The following DMD variants were observed in gnomAD, a reference collection of about 807,000 sequenced individuals.
The protein encoded by DMD is dystrophin, also known as mutant dystrophin.
Under a neutral mutation model 330.1 loss-of-function variants are expected in DMD, and 63 were observed. The observed-to-expected ratio is 0.19, with a 90% CI of 0.16 to 0.24. DMD has a LOEUF of 0.24. DMD is among the 10% of genes least tolerant of loss of function. The pLI is 1.00. For missense variants in DMD, 3,344 were observed against 2,684.1 expected, an observed-to-expected ratio of 1.25 and a Z score of -5.43; for synonymous variants, 1,223 against 959.8, an observed-to-expected ratio of 1.27 and a Z score of -5.07.
chrX:32,758,664 A>T (rs1241925761), intron 7 of DMD, among the ~76,000 whole-genome samples: 1 of 111,070 alleles, frequency 9.0e-6, no homozygotes, highest in Non-Finnish European at 1.9e-5. Context: ...CCCCCCATTT[A>T]CTCTTACTGC....
At chrX:32,763,647 C>T (rs1472956977) in intron 7 of DMD, among the ~76,000 whole-genome samples, 2 of 111,921 alleles carry the variant, frequency 1.8e-5, no homozygotes, top group East Asian at 5.6e-4. Context: ...GACTCTAGTT[C>T]AAAGCACAGT....
At chrX:31,605,865 G>A (rs529586070) in intron 55 of DMD, among the ~76,000 whole-genome samples, 5 of 111,674 alleles carry the variant, frequency 4.5e-5, no homozygotes, top group African/African-American at 9.7e-5. Context: ...TTTTGGTGTC[G>A]TGGTTTTATG....
intron 2 of DMD, among the ~76,000 whole-genome samples, chrX:32,880,727 C>A (rs893153197): frequency 8.9e-6 from 1 of 112,078 alleles, no homozygotes; most frequent in Admixed American, 9.4e-5. Context: ...GGAAGACCAC[C>A]TGAGGTCGGG....
chrX:32,805,225 A>C (rs914735781), intron 7 of DMD, among the ~76,000 whole-genome samples: 1 of 111,988 alleles, frequency 8.9e-6, no homozygotes, highest in Non-Finnish European at 1.9e-5. Flanking sequence ...AAAAAAGGTT[A>C]GAGGAGTTGC....
rs929132246 is a variant in DMD at position 31,261,125 on chromosome X, T to C, written c.9225-109A>G. 33 of 687,407 alleles carry C rather than the reference T, an allele frequency of 4.8e-5. 1 individual carries two copies. In the Admixed American group the frequency reaches 8.6e-4, roughly 18 times the overall value. The allele number at this position is 687,407 out of a possible 1,213,427, so 56.7% of individuals were successfully genotyped here. A position where few individuals can be genotyped will look rare whatever the true frequency, so the allele number is the denominator to read the frequency against. ...CAACATGATTTTTGCTTTTGAACCA[T>C]TCGGAATCTTTATTTCAAAGCGCTT... On this transcript the variant is annotated intron_variant, in intron 62 of 78. Transcript: ENST00000357033.
chrX:33,221,990 A>C (rs777518547), intron 1 of DMD, among the ~76,000 whole-genome samples: 1 of 111,545 alleles, frequency 9.0e-6, no homozygotes, highest in South Asian at 3.7e-4. Context: ...TCTTGTGAAG[A>C]ATTAACACCA....
intron 1 of DMD, among the ~76,000 whole-genome samples, chrX:33,301,973 T>C (rs12689248): frequency 0.068 from 7,588 of 111,818 alleles, 353 homozygotes; most frequent in East Asian, 0.33. Context: ...TTTTAATATT[T>C]TGAAAAATTT....
intron 52 of DMD, among the ~76,000 whole-genome samples, chrX:31,681,813 T>C (rs1225796919): frequency 3.5e-5 from 4 of 113,188 alleles, no homozygotes; most frequent in Non-Finnish European, 5.6e-5. Context: ...ATACTTGAGA[T>C]GGCCAGGTGC....
intron 2 of DMD, among the ~76,000 whole-genome samples, chrX:32,932,680 C>T (rs924588265): frequency 1.8e-5 from 2 of 111,173 alleles, no homozygotes; most frequent in African/African-American, 3.3e-5. Flanking sequence ...GCAAATGATC[C>T]CCATTATAGT....
intron 4 of DMD, among the ~76,000 whole-genome samples, chrX:32,843,739 G>A (rs767365895): frequency 1.3e-3 from 149 of 111,642 alleles, no homozygotes; most frequent in Middle Eastern, 4.7e-3. Context: ...TGTATTGGTC[G>A]ATTAGACAGA....
chrX:32,317,946 C>A (rs2097589687), intron 41 of DMD, among the ~76,000 whole-genome samples: 1 of 109,733 alleles, frequency 9.1e-6, no homozygotes, highest in Non-Finnish European at 1.9e-5. Context: ...AATCTATGAG[C>A]CATAATATGA....
intron 2 of DMD, among the ~76,000 whole-genome samples, chrX:33,011,917 G>A (rs184033042): frequency 3.6e-5 from 4 of 111,551 alleles, no homozygotes; most frequent in South Asian, 3.7e-4. Flanking sequence ...ATTTACATAT[G>A]CAAGCTAAAT....
intron 1 of DMD, among the ~76,000 whole-genome samples, chrX:33,168,170 G>A (rs961293589): frequency 2.7e-5 from 3 of 110,439 alleles, no homozygotes; most frequent in Non-Finnish European, 5.7e-5. Flanking sequence ...CTAAGTTTCC[G>A]GAATTCTGCA....
chrX:32,357,381 AGAAATGCAAACTCTTGTGCT>A (rs1461552610), intron 37 of DMD, among the ~76,000 whole-genome samples: 6 of 111,384 alleles, frequency 5.4e-5, no homozygotes, highest in African/African-American at 1.6e-4. Context: ...GAAAAATGTT[AGAAATGCAAACTCTTGTGCT>A]CCACTCCAGA....
intron 2 of DMD, among the ~76,000 whole-genome samples, chrX:32,997,548 T>TCA (rs2093158068): frequency 8.9e-6 from 1 of 111,933 alleles, no homozygotes; most frequent in East Asian, 2.9e-4. Flanking sequence ...CCGGCCCCTC[T>TCA]CACCTTTTGA....
chrX:31,155,023 G>C (rs2037938192), intron 74 of DMD, among the ~76,000 whole-genome samples: 1 of 111,895 alleles, frequency 8.9e-6, no homozygotes, highest in East Asian at 2.8e-4. Context: ...TATAAACTCT[G>C]TTGTCTACAT....
chrX:32,855,977 T>A (rs7887885), intron 2 of DMD, among the ~76,000 whole-genome samples: 3,060 of 111,555 alleles, frequency 0.027, 111 homozygotes, highest in African/African-American at 0.095. Context: ...AAAATATATA[T>A]AATCATCTGA....
chrX:32,842,981 A>AT (rs1206839689), intron 4 of DMD, among the ~76,000 whole-genome samples: 3 of 110,093 alleles, frequency 2.7e-5, no homozygotes, highest in South Asian at 3.9e-4. Context: ...TAATTTTTGT[A>AT]TTTTTTAGTA....
intron 43 of DMD, among the ~76,000 whole-genome samples, chrX:32,271,776 T>G (rs1436224909): frequency 8.9e-6 from 1 of 112,092 alleles, no homozygotes; most frequent in Non-Finnish European, 1.9e-5. Flanking sequence ...GGTCTTAGAT[T>G]ATTTTATATA....
Sources: allele counts gnomAD v4.1 joint callset (sites outside exome capture counted in the v4.1 genomes callset), GRCh38; gene constraint gnomAD v4.1.1; transcripts MANE v1.5; gene names NCBI Gene and HGNC (gene_info 2026-07-23, HGNC 2026-07-21).